ATP2C1: variants seen among roughly 807,000 people sequenced by gnomAD.
ATP2C1 encodes ATPase secretory pathway Ca2+ transporting 1.
Under a neutral mutation model 120.5 loss-of-function variants are expected in ATP2C1, and 31 were observed. The ratio of observed to expected loss-of-function variants is 0.26; its 90% confidence interval spans 0.19 to 0.35. The LOEUF (loss-of-function observed/expected upper bound fraction) is 0.35. Among genes scored for constraint, ATP2C1 ranks in the 10% least tolerant of loss-of-function variants. ATP2C1 has a pLI of 1.00. For synonymous variants in ATP2C1, 351 were observed against 358.7 expected (o/e 0.98, Z 0.24); for missense variants, 731 against 1,107.5 (o/e 0.66, Z 4.83).
intron 26 of ATP2C1, chr3:131,014,408 G>C: frequency 6.5e-7 from 1 of 1,540,692 alleles, no homozygotes; most frequent in East Asian, 2.3e-5. Context: ...CAAGAAAAAA[G>C]TATGTTGTTA....
In ATP2C1 at chr3:130,997,905, A is replaced by G. The variant is rs935734609; in HGVS notation, c.2391+152A>G. 1.9e-5 allele frequency: 14 copies of G among 745,324 alleles called. No individual in the cohort carries two copies. In the Admixed American group the frequency reaches 3.7e-4, roughly 20 times the overall value. 46.2% of individuals were successfully genotyped at this position (745,324 alleles called of 1,614,324 possible). On this transcript the variant is annotated intron_variant, in intron 25 of 27. Coordinates refer to ENST00000510168, the MANE Select transcript of ATP2C1 (RefSeq NM_001378687.1). The stretch of plus-strand genomic sequence containing the variant: ...AACATTTTAAAAGAGTTTGATTTCC[A>G]TCTTTATGGATAAATAAAATTATTG...
chr3:130,933,714 A>C (rs1341648867), intron 4 of ATP2C1, among the ~76,000 whole-genome samples: 1 of 152,168 alleles, frequency 6.6e-6, no homozygotes, highest in African/African-American at 2.4e-5. Context: ...CTTATGCCTA[A>C]AGATTTTGAT....
In ATP2C1 at chr3:130,986,262, A is replaced by AT. The variant is rs1161345160; in HGVS notation, c.1839+5590dup. On this transcript the variant is annotated intron_variant, in intron 20 of 27. Coordinates refer to ENST00000510168, the MANE Select transcript of ATP2C1 (RefSeq NM_001378687.1). ...TATTTCTGAATAAATCCCATATTGGATTTTTTTAGTGGTATTGGGACAGAG... is the reference window on the plus strand; with the variant it reads ...TATTTCTGAATAAATCCCATATTGGATTTTTTTTAGTGGTATTGGGACAGAG... Among the ~76,000 whole-genome samples, 9 of 146,844 alleles carry AT rather than the reference A, an allele frequency of 6.1e-5. No homozygotes were observed. In the South Asian group the frequency reaches 6.4e-4, roughly 10 times the overall value.
chr3:130,960,113 A>G (rs539494550), intron 12 of ATP2C1, among the ~76,000 whole-genome samples: 2 of 152,332 alleles, frequency 1.3e-5, no homozygotes, highest in Admixed American at 1.3e-4. Context: ...CTAAAGAAGA[A>G]AAGTCAGGTC....
At chr3:130,930,224 T>C (rs953949260) in intron 2 of ATP2C1, 192 bp from the exon 3 acceptor site, 1 of 602,964 alleles carries the variant, frequency 1.7e-6, no homozygotes, top group Non-Finnish European at 3.0e-6. Flanking sequence ...GTTTTTGAAA[T>C]GTAATTTCTT....
At chr3:130,960,709 C>A (rs1006828039) in intron 12 of ATP2C1, among the ~76,000 whole-genome samples, 4 of 152,054 alleles carry the variant, frequency 2.6e-5, no homozygotes, top group Non-Finnish European at 5.9e-5. Flanking sequence ...ATAAGTGGAG[C>A]CGTGGTAACA....
rs1461872612 is a variant in ATP2C1, at chr3:130,869,246, T to C, written c.108+18318T>C. On this transcript the variant is annotated intron_variant, in intron 1 of 26. Transcript: ENST00000504381. ...AAGGCAGCATGCTCGTTAAGAGTCA[T>C]CACCACTCCCTAATCTTAAGTACCC... is the stretch of plus-strand genomic sequence containing the variant. 4.1e-5 allele frequency: 6 copies of C among 145,174 alleles called. No individual in the cohort carries two copies. In the South Asian group the frequency reaches 1.1e-3, roughly 26 times the overall value. 9.0% of individuals were successfully genotyped at this position (145,174 alleles called of 1,614,324 possible). A position where few individuals can be genotyped will look rare whatever the true frequency, so the allele number is the denominator to read the frequency against.
intron 2 of ATP2C1, among the ~76,000 whole-genome samples, chr3:130,906,494 T>G (rs550526668): frequency 3.3e-5 from 5 of 152,122 alleles, no homozygotes; most frequent in African/African-American, 1.2e-4. Flanking sequence ...TGGGTTTTTG[T>G]GTAAACATGT....
intron 26 of ATP2C1, among the ~76,000 whole-genome samples, chr3:131,009,354 T>C (rs2063229231): frequency 6.6e-6 from 1 of 152,162 alleles, no homozygotes; most frequent in South Asian, 2.1e-4. Flanking sequence ...TACATAAATA[T>C]AAAAATATAT....
chr3:130,978,472 T>C (rs1187327031), intron 18 of ATP2C1, among the ~76,000 whole-genome samples: 1 of 151,984 alleles, frequency 6.6e-6, no homozygotes, highest in Non-Finnish European at 1.5e-5. Context: ...GTTTCCGGAG[T>C]TCCATAATTC....
chr3:130,913,211 C>G (rs554967828), intron 2 of ATP2C1, among the ~76,000 whole-genome samples: 2 of 147,954 alleles, frequency 1.4e-5, no homozygotes, highest in East Asian at 4.0e-4. Flanking sequence ...CTAACCTGCA[C>G]AATGTGCACA....
At chr3:130,972,347 T>C (rs1329035197) in intron 17 of ATP2C1, among the ~76,000 whole-genome samples, 2 of 152,130 alleles carry the variant, frequency 1.3e-5, no homozygotes, top group Non-Finnish European at 2.9e-5. Flanking sequence ...TGAGCTAAGC[T>C]CTTTGTTCAT....
chr3:130,887,931 G>A (rs1011745541), intron 1 of ATP2C1, among the ~76,000 whole-genome samples: 51 of 152,318 alleles, frequency 3.3e-4, no homozygotes, highest in African/African-American at 1.2e-3. Flanking sequence ...AGCTGGCAAT[G>A]TTCTGGGTCT....
chr3:130,910,060 T>C (rs2058325056), intron 2 of ATP2C1, among the ~76,000 whole-genome samples: 1 of 152,134 alleles, frequency 6.6e-6, no homozygotes, highest in African/African-American at 2.4e-5. Flanking sequence ...CTTTTGTAAA[T>C]GTTGAGGTGG....
chr3:130,884,976 C>CAA (rs2068922594), intron 1 of ATP2C1, among the ~76,000 whole-genome samples: 1 of 147,864 alleles, frequency 6.8e-6, no homozygotes, highest in Non-Finnish European at 1.5e-5. Flanking sequence ...TCTTGTCGCC[C>CAA]AGGCTGGAGT....
chr3:130,989,080 G>A (rs552204975), intron 20 of ATP2C1, among the ~76,000 whole-genome samples: 100 of 152,002 alleles, frequency 6.6e-4, no homozygotes, highest in African/African-American at 2.2e-3. Flanking sequence ...GTAAAACCCC[G>A]TCTCTACTAA....
At chr3:130,874,280 T>C (rs991962376) in intron 1 of ATP2C1, among the ~76,000 whole-genome samples, 7 of 152,198 alleles carry the variant, frequency 4.6e-5, no homozygotes, top group Non-Finnish European at 1.0e-4. Context: ...AACTTGTCAA[T>C]GGAATTTCTG....
At chr3:130,929,992 T>TGAGCTG in intron 2 of ATP2C1, 1 of 321,484 alleles carries the variant, frequency 3.1e-6, no homozygotes, top group Non-Finnish European at 6.0e-6. Flanking sequence ...AGATCAGCTA[T>TGAGCTG]GAGCTGACTG....
At chr3:130,988,575 C>A (rs2062136856) in intron 20 of ATP2C1, among the ~76,000 whole-genome samples, 2 of 152,132 alleles carry the variant, frequency 1.3e-5, no homozygotes, top group Non-Finnish European at 2.9e-5. Context: ...CAGCCATGAT[C>A]CCCAATAGGC....
Sources: allele counts gnomAD v4.1 joint callset (sites outside exome capture counted in the v4.1 genomes callset), GRCh38; gene constraint gnomAD v4.1.1; transcripts MANE v1.5; gene names NCBI Gene and HGNC (gene_info 2026-07-23, HGNC 2026-07-21).